The following ARHGEF26 variants were observed in gnomAD, a reference collection of about 807,000 sequenced individuals.
The protein encoded by ARHGEF26 is Rho guanine nucleotide exchange factor (GEF) 26.
Under a neutral mutation model 89.4 loss-of-function variants are expected in ARHGEF26, and 59 were observed. The ratio of observed to expected loss-of-function variants is 0.66; its 90% CI spans 0.54 to 0.82. The LOEUF (loss-of-function observed/expected upper bound fraction) is 0.82. Among genes scored for constraint, ARHGEF26 ranks in the 40% least tolerant of loss-of-function variants. The probability of loss-of-function intolerance (pLI) is 0.00; values close to 1 mark genes in which losing one functional copy is unlikely to be tolerated. For synonymous variants in ARHGEF26, 500 were observed against 428.4 expected (o/e 1.17, Z -2.06); for missense variants, 1,234 against 1,085.6 (o/e 1.14, Z -1.92).
At chr3:154,145,129 A>G (rs1212965477) in intron 4 of ARHGEF26, among the ~76,000 whole-genome samples, 1 of 152,050 alleles carries the variant, frequency 6.6e-6, no homozygotes, top group Non-Finnish European at 1.5e-5. Flanking sequence ...AGTGGGGTTA[A>G]AGAGAGCCTA....
At chr3:154,143,062 C>G (rs924501377) in intron 4 of ARHGEF26, among the ~76,000 whole-genome samples, 2 of 152,070 alleles carry the variant, frequency 1.3e-5, no homozygotes, top group Non-Finnish European at 2.9e-5. Context: ...CTTGTCTGCC[C>G]TACTCGTTTT....
At chr3:154,161,602 C>G (rs759221862) in intron 6 of ARHGEF26, among the ~76,000 whole-genome samples, 12 of 152,100 alleles carry the variant, frequency 7.9e-5, no homozygotes, top group Non-Finnish European at 1.5e-4. Context: ...CAGCATTGGT[C>G]TAGGACTAAA....
intron 4 of ARHGEF26, among the ~76,000 whole-genome samples, chr3:154,136,920 A>C (rs1719045108): frequency 6.6e-6 from 1 of 152,180 alleles, no homozygotes; most frequent in Admixed American, 6.5e-5. Context: ...TTCACTTTTT[A>C]TAACTGGCTC....
rs759146041 is a variant in ARHGEF26 at position 154,255,576 on chromosome 3, T to A, written c.*103T>A. On this transcript the variant is annotated 3_prime_UTR_variant, in exon 15 of 15. Transcript: ENST00000465093. ...TTAATTTTGTCACAGCCTATTTAAT[T>A]AAAAGAACGAAAACACTTGCCTTTA... 1.1e-5 allele frequency: 17 copies of A among 1,480,380 alleles called. No individual in the cohort carries two copies. Among genetic ancestry groups the A allele is most frequent in the Non-Finnish European group, 1.4e-5 (16 of 1,118,188 alleles). The allele number at this position is 1,480,380 out of a possible 1,614,324, so 91.7% of individuals were successfully genotyped here.
intron 9 of ARHGEF26, among the ~76,000 whole-genome samples, chr3:154,213,218 T>C (rs1973792): frequency 1.8e-5 from 2 of 108,442 alleles, no homozygotes; most frequent in Non-Finnish European, 2.3e-5. Context: ...AGAGAGAGAG[T>C]GTGTGTGTGT....
At chr3:154,203,918 T>G (rs1268952684) in intron 9 of ARHGEF26, among the ~76,000 whole-genome samples, 3 of 152,104 alleles carry the variant, frequency 2.0e-5, no homozygotes, top group Admixed American at 1.3e-4. Context: ...TTTTGAGGAT[T>G]TTTGCATTAA....
intron 9 of ARHGEF26, among the ~76,000 whole-genome samples, chr3:154,198,202 G>T (rs1485532716): frequency 6.6e-6 from 1 of 152,052 alleles, no homozygotes; most frequent in South Asian, 2.1e-4. Context: ...CTGCAAAAAT[G>T]GCCATAATTC....
At chr3:154,144,297 A>G (rs911001947) in intron 4 of ARHGEF26, among the ~76,000 whole-genome samples, 6 of 152,190 alleles carry the variant, frequency 3.9e-5, no homozygotes, top group African/African-American at 1.4e-4. Context: ...TGAATGACTT[A>G]ACTTTTCTGT....
At chr3:154,161,094 C>G (rs1280891517) in intron 6 of ARHGEF26, among the ~76,000 whole-genome samples, 1 of 20,762 alleles carries the variant, frequency 4.8e-5, no homozygotes, top group Non-Finnish European at 7.1e-5. Context: ...ATGCTGGTAG[C>G]CAGGTTTGTG....
intron 12 of ARHGEF26, among the ~76,000 whole-genome samples, chr3:154,241,836 A>T (rs978808321): frequency 6.6e-6 from 1 of 152,226 alleles, no homozygotes; most frequent in Non-Finnish European, 1.5e-5. Context: ...CTCTGGGATG[A>T]TGGAGAATAA....
rs529603751 is a variant in ARHGEF26, at chr3:154,149,578, T to C, written c.1326+133T>C. The C allele has an allele frequency of 4.1e-6, 3 of 732,968 alleles. No homozygotes were observed. In the African/African-American group the frequency reaches 5.3e-5, roughly 13 times the overall value. The allele number at this position is 732,968 out of a possible 1,614,324, so 45.4% of individuals were successfully genotyped here. ...AAATGTATTTGTTTAACAAAAGCAG[T>C]AAGTGATCATTTTAATGTAAAGCTA... On this transcript the variant is annotated intron_variant, in intron 5 of 14. Transcript: ENST00000465093.
intron 3 of ARHGEF26, among the ~76,000 whole-genome samples, chr3:154,124,676 T>C (rs1718221423): frequency 6.6e-6 from 1 of 152,172 alleles, no homozygotes; most frequent in Admixed American, 6.5e-5. Context: ...TTTCAGTCGA[T>C]GTCCTGGGAT....
At chr3:154,170,627 A>G (rs866225831) in intron 6 of ARHGEF26, among the ~76,000 whole-genome samples, 4 of 152,212 alleles carry the variant, frequency 2.6e-5, no homozygotes, top group Non-Finnish European at 4.4e-5. Context: ...TTCAGCAGTC[A>G]TGTGTGTAAA....
At chr3:154,242,678 T>C (rs908413969) in intron 12 of ARHGEF26, among the ~76,000 whole-genome samples, 22 of 152,156 alleles carry the variant, frequency 1.4e-4, no homozygotes, top group Non-Finnish European at 1.5e-5. Context: ...GAGGATAAAA[T>C]ACTATCAAAC....
At chr3:154,242,847 G>A (rs1009495430) in intron 12 of ARHGEF26, among the ~76,000 whole-genome samples, 5 of 151,984 alleles carry the variant, frequency 3.3e-5, no homozygotes, top group South Asian at 2.1e-4. Context: ...TCATCTTCAT[G>A]TGTTTGTTTA....
chr3:154,176,238 G>T (rs1280217730), intron 6 of ARHGEF26, among the ~76,000 whole-genome samples: 1 of 152,148 alleles, frequency 6.6e-6, no homozygotes, highest in Admixed American at 6.6e-5. Context: ...CCTGCACCTG[G>T]CTGGGAGCCA....
At chr3:154,246,748 A>G (rs984879671) in intron 12 of ARHGEF26, among the ~76,000 whole-genome samples, 1 of 152,176 alleles carries the variant, frequency 6.6e-6, no homozygotes, top group African/African-American at 2.4e-5. Context: ...GGACCGTGAT[A>G]TGTAGGAGGA....
chr3:154,215,050 G>A (rs1034617937), intron 9 of ARHGEF26, among the ~76,000 whole-genome samples: 38 of 152,280 alleles, frequency 2.5e-4, no homozygotes, highest in African/African-American at 8.9e-4. Context: ...ATTGGATCAT[G>A]TCATTCCCCC....
intron 12 of ARHGEF26, among the ~76,000 whole-genome samples, chr3:154,244,167 G>A (rs763621032): frequency 2.0e-5 from 3 of 152,050 alleles, no homozygotes; most frequent in African/African-American, 4.8e-5. Flanking sequence ...CTTACTCTTT[G>A]ACCTGAAAAA....
Sources: allele counts gnomAD v4.1 joint callset (sites outside exome capture counted in the v4.1 genomes callset), GRCh38; gene constraint gnomAD v4.1.1; transcripts MANE v1.5; gene names NCBI Gene and HGNC (gene_info 2026-07-23, HGNC 2026-07-21).